The following CNTNAP2 variants were observed in gnomAD, a reference collection of about 807,000 sequenced individuals.
CNTNAP2 encodes contactin-associated protein-like 2.
A neutral mutation model predicts 155.2 loss-of-function variants in CNTNAP2; 98 were observed. The observed-to-expected ratio is 0.63, with a 90% confidence interval of 0.54 to 0.75. The LOEUF (loss-of-function observed/expected upper bound fraction) is 0.75. Among genes scored for constraint, CNTNAP2 ranks in the 30% least tolerant of loss-of-function variants. CNTNAP2 has a pLI of 0.00. For synonymous variants in CNTNAP2, 651 were observed against 631.2 expected (o/e 1.03, Z -0.47); for missense variants, 1,727 against 1,688.1 (o/e 1.02, Z -0.40).
chr7:148,330,726 A>T (rs1463693218), intron 21 of CNTNAP2, among the ~76,000 whole-genome samples: 4 of 141,544 alleles, frequency 2.8e-5, no homozygotes, highest in Non-Finnish European at 6.1e-5. Flanking sequence ...GGATGGAGGG[A>T]ATGGATGGAT....
At chr7:148,050,656 G>A (rs193241070) in intron 15 of CNTNAP2, among the ~76,000 whole-genome samples, 137 of 152,236 alleles carry the variant, frequency 9.0e-4, no homozygotes, top group Middle Eastern at 3.4e-3. Flanking sequence ...GTACAGTAAT[G>A]TTCTAGGCCT....
At chr7:148,154,054 G>A (rs1016902029) in intron 17 of CNTNAP2, among the ~76,000 whole-genome samples, 4 of 152,220 alleles carry the variant, frequency 2.6e-5, no homozygotes, top group African/African-American at 7.2e-5. Context: ...ACAAATGTCC[G>A]TGCTCAATTT....
chr7:146,340,911 C>T (rs1281161533), intron 1 of CNTNAP2, among the ~76,000 whole-genome samples: 1 of 152,120 alleles, frequency 6.6e-6, no homozygotes, highest in Non-Finnish European at 1.5e-5. Flanking sequence ...ATTGAATATA[C>T]TGACTGATAT....
chr7:148,406,800 C>A (rs1424920577), intron 22 of CNTNAP2, among the ~76,000 whole-genome samples: 4 of 152,214 alleles, frequency 2.6e-5, no homozygotes, highest in Admixed American at 2.0e-4. Flanking sequence ...ATAACCAAAT[C>A]TTCCTGTGCT....
chr7:147,714,039 T>G (rs983837153), intron 13 of CNTNAP2, among the ~76,000 whole-genome samples: 3 of 152,134 alleles, frequency 2.0e-5, no homozygotes, highest in African/African-American at 7.2e-5. Context: ...TGTTACCATT[T>G]ATTGAGTACC....
chr7:146,992,482 AG>A (rs1452247318), intron 3 of CNTNAP2, among the ~76,000 whole-genome samples: 1 of 152,168 alleles, frequency 6.6e-6, no homozygotes, highest in African/African-American at 2.4e-5. Context: ...AAAAAGGAAC[AG>A]GGACTCTCAG....
intron 1 of CNTNAP2, among the ~76,000 whole-genome samples, chr7:146,686,621 A>G (rs144800128): frequency 6.6e-6 from 1 of 152,298 alleles, no homozygotes; most frequent in African/African-American, 2.4e-5. Flanking sequence ...ATTTTTAAGG[A>G]GTTCTAATTT....
At chr7:147,296,523 A>G (rs908452708) in intron 8 of CNTNAP2, among the ~76,000 whole-genome samples, 1 of 152,210 alleles carries the variant, frequency 6.6e-6, no homozygotes, top group Non-Finnish European at 1.5e-5. Context: ...AATAACATTT[A>G]TTGTTTTCCC....
rs562949927 is a variant in CNTNAP2, at chr7:147,689,429, G to A, written c.2098+50123G>A. 5.9e-5 allele frequency among the ~76,000 whole-genome samples: 9 copies of A among 152,134 alleles called. 1 individual carries two copies. The highest frequency in any genetic ancestry group is 2.0e-4 in the Admixed American group (3 of 15,268). On this transcript the variant is annotated intron_variant, in intron 13 of 23. Transcript: ENST00000361727. Reference sequence around the variant, plus strand: ...CTCCCAAAGTGCTGGGATTACAGGCGTGAGCCACTATGCCCGGTCTCATAA... The same window carrying A: ...CTCCCAAAGTGCTGGGATTACAGGCATGAGCCACTATGCCCGGTCTCATAA...
intron 21 of CNTNAP2, among the ~76,000 whole-genome samples, chr7:148,329,971 C>T (rs1797956833): frequency 1.3e-5 from 2 of 152,204 alleles, no homozygotes; most frequent in Admixed American, 1.3e-4. Context: ...GAGGCCCCCA[C>T]CCTCCCCAGC....
chr7:147,174,244 CAT>C (rs1462909596), intron 8 of CNTNAP2, among the ~76,000 whole-genome samples: 1 of 152,172 alleles, frequency 6.6e-6, no homozygotes, highest in African/African-American at 2.4e-5. Context: ...AACTCCCTTA[CAT>C]ATGTAATTGT....
intron 9 of CNTNAP2, among the ~76,000 whole-genome samples, chr7:147,342,986 T>G (rs1027987762): frequency 6.6e-5 from 10 of 152,142 alleles, no homozygotes; most frequent in African/African-American, 2.4e-4. Flanking sequence ...ATGTTAATAA[T>G]TTGCTTGTTT....
At chr7:146,145,772 T>C (rs1273469791) in intron 1 of CNTNAP2, among the ~76,000 whole-genome samples, 1 of 152,146 alleles carries the variant, frequency 6.6e-6, no homozygotes, top group Non-Finnish European at 1.5e-5. Context: ...GTACCTCGCG[T>C]CTCTAGAAAA....
At position 147,746,799 on chromosome 7, in the gene CNTNAP2, A is replaced by G. The variant is rs538108419; in HGVS notation, c.2098+107493A>G. Among the ~76,000 whole-genome samples, 210 of 152,282 alleles carry G rather than the reference A, an allele frequency of 1.4e-3. 1 individual carries two copies. Among genetic ancestry groups the G allele is most frequent in the Non-Finnish European group, 2.4e-3 (163 of 68,022 alleles). On this transcript the variant is annotated intron_variant, in intron 13 of 23. Transcript: ENST00000361727. ...TACAAACTGCTTATAGACCAGACAC[A>G]TGAAATGTGCACAGTTTTACCACAC...
intron 12 of CNTNAP2, among the ~76,000 whole-genome samples, chr7:147,613,750 G>A (rs576228582): frequency 6.6e-6 from 1 of 152,256 alleles, no homozygotes; most frequent in Admixed American, 6.5e-5. Flanking sequence ...GGCAGAGACA[G>A]GAGAATCGCT....
At chr7:148,379,739 C>G (rs1200672967) in intron 21 of CNTNAP2, among the ~76,000 whole-genome samples, 2 of 152,090 alleles carry the variant, frequency 1.3e-5, no homozygotes, top group South Asian at 4.1e-4. Flanking sequence ...AAATCCCTGT[C>G]CAAATAAATA....
In CNTNAP2 at chr7:146,982,171, T is replaced by C. The variant is rs1206508138; in HGVS notation, c.403-61736T>C. On this transcript the variant is annotated intron_variant, in intron 3 of 23. Transcript: ENST00000361727. Reference sequence around the variant, plus strand: ...CCCATAGGCTATAACCCCTGGTATATAGAGCCATTAACATAAAAATACAAT... The same window carrying C: ...CCCATAGGCTATAACCCCTGGTATACAGAGCCATTAACATAAAAATACAAT... Among the ~76,000 whole-genome samples the C allele has an allele frequency of 2.6e-5, 4 of 152,294 alleles. No individual in the cohort carries two copies. In the East Asian group the frequency reaches 5.8e-4, roughly 22 times the overall value.
chr7:146,156,102 A>G (rs1402470778), intron 1 of CNTNAP2, among the ~76,000 whole-genome samples: 15 of 152,120 alleles, frequency 9.9e-5, no homozygotes, highest in Admixed American at 9.2e-4. Flanking sequence ...CTCTTCCCAC[A>G]TCGTCTGGAA....
intron 12 of CNTNAP2, among the ~76,000 whole-genome samples, chr7:147,566,799 A>G (rs1800181750): frequency 6.6e-6 from 1 of 152,182 alleles, no homozygotes; most frequent in Non-Finnish European, 1.5e-5. Context: ...ATATTACTCA[A>G]TAATTCAATA....
Sources: allele counts gnomAD v4.1 joint callset (sites outside exome capture counted in the v4.1 genomes callset), GRCh38; gene constraint gnomAD v4.1.1; transcripts MANE v1.5; gene names NCBI Gene and HGNC (gene_info 2026-07-23, HGNC 2026-07-21).